The following ZNF490 variants were observed in gnomAD, a reference collection of about 807,000 sequenced individuals.
ZNF490 encodes zinc finger protein 490.
In ZNF490, 11 loss-of-function variants were observed where a neutral mutation model predicts 17.7. That is an observed-to-expected ratio of 0.62 (90% CI 0.39 to 1.03). The LOEUF (loss-of-function observed/expected upper bound fraction) is 1.03, where lower values mean the gene tolerates loss of function less well. Among genes scored for constraint, ZNF490 ranks in the 50% least tolerant of loss-of-function variants. ZNF490 has a pLI of 0.00. For missense variants in ZNF490, 542 were observed against 643.4 expected, an observed-to-expected ratio of 0.84 and a Z score of 1.71; for synonymous variants, 222 against 216.1, an observed-to-expected ratio of 1.03 and a Z score of -0.24.
In ZNF490 at chr19:12,583,446, C is replaced by A. The variant is rs373138394; in HGVS notation, c.273G>T (p.Lys91Asn). The change falls in exon 3 of 5, where the codon AAG becomes AAT. Residue 91 changes from lysine to asparagine, a missense_variant. Lys to Asn is a moderately conservative substitution (Grantham distance 94). Transcript: ENST00000311437. Reference protein sequence around the residue: ...IYRDVMRATFKNLACIGEKWK... With the variant: ...IYRDVMRATFNNLACIGEKWK... ...CACCCTTACCTATACAGGCCAGGTT[C>A]TTGAAGGTTGCCCGCATCACATCTC... 257 of 1,604,018 alleles carry A rather than the reference C, an allele frequency of 1.6e-4. 1 individual carries two copies. Among genetic ancestry groups the A allele is most frequent in the Non-Finnish European group, 1.5e-4 (172 of 1,173,702 alleles).
rs548413779 is a variant in ZNF490 at position 12,605,867 on chromosome 19, C to T, written c.162+3291G>A. Among the ~76,000 whole-genome samples the T allele has an allele frequency of 1.4e-4, 21 of 151,886 alleles. No homozygotes were observed. In the East Asian group the frequency reaches 3.9e-3, roughly 28 times the overall value. The stretch of plus-strand genomic sequence containing the variant: ...TTAAGAAAAGTGTATTTGAGACCCT[C>T]GAATAGGATTTTTTTTTAATTTAAT... On this transcript the variant is annotated intron_variant, in intron 2 of 4. Transcript: ENST00000311437.
chr19:12,581,171 C>T lies in ZNF490; in HGVS notation c.904G>A (p.Gly302Arg). 6.2e-7 allele frequency: 1 copy of T among 1,610,560 alleles called. No individual in the cohort carries two copies. The highest frequency in any genetic ancestry group is 8.5e-7 in the Non-Finnish European group (1 of 1,176,958). ...PFLTHERTHT[G>R]EKPYECKQCG... ...TGCTTACATTCATAAGGTTTCTCTC[C>T]AGTGTGAGTCCTTTCGTGGGTTAGA... The change falls in exon 5 of 5, where the codon GGA becomes AGA. Residue 302 changes from glycine to arginine, a missense_variant. Physicochemically the swap from Gly to Arg is moderately radical, Grantham distance 125. Coordinates refer to ENST00000311437, the MANE Select transcript of ZNF490 (RefSeq NM_020714.3).
chr19:12,609,220 G>A lies in ZNF490; in HGVS notation c.118-18C>T. On this transcript the variant is annotated intron_variant, in intron 1 of 4. Transcript: ENST00000311437. The stretch of plus-strand genomic sequence containing the variant: ...TTCTGCATCTAATTAGAAACAAGAG[G>A]ATGCATTTTGTGAGTTTCAGCAATT... 1 of 1,613,456 alleles carries A rather than the reference G, an allele frequency of 6.2e-7. No individual in the cohort carries two copies. The highest frequency in any genetic ancestry group is 1.3e-5 in the African/African-American group (1 of 75,004).
chr19:12,583,589 G>C, intron 2 of ZNF490, 33 bp from the exon 3 acceptor site: 1 of 1,542,492 alleles, frequency 6.5e-7, no homozygotes, highest in Non-Finnish European at 8.8e-7. Context: ...TTAGGAGGAG[G>C]AGAGAGATTC....
In ZNF490 at chr19:12,580,740, G is replaced by C. The variant is rs2022719088; in HGVS notation, c.1335C>G (p.Pro445=). 1 of 1,614,192 alleles carries C rather than the reference G, an allele frequency of 6.2e-7. No individual in the cohort carries two copies. Among genetic ancestry groups the C allele is most frequent in the Non-Finnish European group, 8.5e-7 (1 of 1,180,034 alleles). ...CCCGACCACACTGTTTGCATTCATA[G>C]GGTTTCTCTCTAGTATGGGTTCTTT... ...IHERTHTREK[P]YECKQCGRVF... Residue 445 remains proline, a synonymous_variant, in exon 5 of 5, where the codon CCC becomes CCG. Transcript: ENST00000311437.
chr19:12,601,600 G>C (rs1480492600), intron 2 of ZNF490, among the ~76,000 whole-genome samples: 2 of 152,018 alleles, frequency 1.3e-5, no homozygotes, highest in Admixed American at 6.6e-5. Flanking sequence ...GCCCAGGCTG[G>C]TCTTGAACTC....
At chr19:12,602,027 A>G (rs1220820105) in intron 2 of ZNF490, among the ~76,000 whole-genome samples, 1 of 151,164 alleles carries the variant, frequency 6.6e-6, no homozygotes, top group African/African-American at 2.4e-5. Context: ...AAAAAAGAAA[A>G]TAATATTATT....
Position 12,580,350 on chromosome 19 carries a change from C to T in ZNF490, c.*135G>A, listed in dbSNP as rs1034441707. On this transcript the variant is annotated 3_prime_UTR_variant, in exon 5 of 5. Coordinates refer to ENST00000311437, the MANE Select transcript of ZNF490 (RefSeq NM_020714.3). The stretch of plus-strand genomic sequence containing the variant: ...AAATATTTCATTGCCGCATGAGTCA[C>T]GTCTTCAAAGGGAATTAGGACAACT... 47 of 1,461,940 alleles carry T rather than the reference C, an allele frequency of 3.2e-5. No homozygotes were observed. Among genetic ancestry groups the T allele is most frequent in the Non-Finnish European group, 1.7e-5 (19 of 1,112,622 alleles). 90.6% of individuals were successfully genotyped at this position (1,461,940 alleles called of 1,614,324 possible). A position where few individuals can be genotyped will look rare whatever the true frequency, so the allele number is the denominator to read the frequency against.
rs963904094 is a variant in ZNF490 at position 12,578,233 on chromosome 19, T to G, written c.*2252A>C. 7.1e-6 allele frequency: 7 copies of G among 985,440 alleles called. No individual in the cohort carries two copies. In the African/African-American group the frequency reaches 8.7e-5, roughly 12 times the overall value. 61.0% of individuals were successfully genotyped at this position (985,440 alleles called of 1,614,324 possible). On this transcript the variant is annotated 3_prime_UTR_variant, in exon 5 of 5. Transcript: ENST00000311437. ...CCGCTGAATATCTCAGGGTAGAATG[T>G]GCCAGAAAACAGGGAAAGCAAGTTA...
At position 12,578,808 on chromosome 19, in the gene ZNF490, A is replaced by T; in HGVS notation, c.*1677T>A. 9 of 985,452 alleles carry T rather than the reference A, an allele frequency of 9.1e-6. No individual in the cohort carries two copies. The highest frequency in any genetic ancestry group is 1.1e-5 in the Non-Finnish European group (9 of 829,960). 61.0% of individuals were successfully genotyped at this position (985,452 alleles called of 1,614,324 possible). ...TCCTAACTTCTGACTGGATGCCACA[A>T]AAGGCCTGCTGGGGCCCAAGTCCTT... On this transcript the variant is annotated 3_prime_UTR_variant, in exon 5 of 5. Transcript: ENST00000311437.
chr19:12,581,625 A>G lies in ZNF490; in HGVS notation c.450T>C (p.Pro150=). Residue 150 remains proline, a synonymous_variant, in exon 5 of 5, where the codon CCT becomes CCC. Transcript: ENST00000311437. ...IPDLNTNLET[P]TGLKPCDCSV... is the part of the protein sequence containing the mutation. Reference sequence around the variant, plus strand: ...TGCAGTCACATGGTTTTAATCCAGTAGGAGTTTCCAGGTTCGTATTAAGAT... The same window carrying G: ...TGCAGTCACATGGTTTTAATCCAGTGGGAGTTTCCAGGTTCGTATTAAGAT... 6.2e-7 allele frequency: 1 copy of G among 1,614,182 alleles called. No homozygotes were observed. Among genetic ancestry groups the G allele is most frequent in the Non-Finnish European group, 8.5e-7 (1 of 1,180,028 alleles).
chr19:12,609,272 C>T lies in ZNF490; in HGVS notation c.118-70G>A, dbSNP rs1011638718. The T allele has an allele frequency of 1.3e-5, 18 of 1,394,508 alleles. No homozygotes were observed. In the Middle Eastern group the frequency reaches 6.6e-4, roughly 51 times the overall value. The allele number at this position is 1,394,508 out of a possible 1,614,324, so 86.4% of individuals were successfully genotyped here. Reference sequence around the variant, plus strand: ...AGAACTAAACATGACCTTTGACAGCCTTGGAAGCATTGTTCCCCCTGCATC... The same window carrying T: ...AGAACTAAACATGACCTTTGACAGCTTTGGAAGCATTGTTCCCCCTGCATC... On this transcript the variant is annotated intron_variant, in intron 1 of 4. Coordinates refer to ENST00000311437, the MANE Select transcript of ZNF490 (RefSeq NM_020714.3).
intron 2 of ZNF490, among the ~76,000 whole-genome samples, chr19:12,607,672 C>T (rs1226933695): frequency 6.6e-6 from 1 of 150,534 alleles, no homozygotes; most frequent in Non-Finnish European, 1.5e-5. Flanking sequence ...GAGGTTGAGG[C>T]AGGAGAATTG....
At chr19:12,602,718 A>G (rs1044349513) in intron 2 of ZNF490, among the ~76,000 whole-genome samples, 4 of 150,262 alleles carry the variant, frequency 2.7e-5, no homozygotes, top group African/African-American at 7.4e-5. Context: ...TTGACCTCCC[A>G]GGCTCAGATG....
At chr19:12,582,735 C>G in intron 4 of ZNF490, 115 bp downstream of exon 4, 1 of 978,306 alleles carries the variant, frequency 1.0e-6, no homozygotes, top group East Asian at 2.4e-5. Context: ...TAAAAATTTT[C>G]TAAGAATGAA....
At chr19:12,582,168 T>C (rs571657431) in intron 4 of ZNF490, among the ~76,000 whole-genome samples, 1 of 152,286 alleles carries the variant, frequency 6.6e-6, no homozygotes, top group East Asian at 1.9e-4. Context: ...CCCAAAGTGC[T>C]GGGATTACAG....
chr19:12,589,918 T>G lies in ZNF490; in HGVS notation c.163-6362A>C, dbSNP rs571848937. Reference sequence around the variant, plus strand: ...TGTATGTATGTATGTATGTATTTATTTATTTATTTATTTAGTGAGAGAGTC... The same window carrying G: ...TGTATGTATGTATGTATGTATTTATGTATTTATTTATTTAGTGAGAGAGTC... On this transcript the variant is annotated intron_variant, in intron 2 of 4. Coordinates refer to ENST00000311437, the MANE Select transcript of ZNF490 (RefSeq NM_020714.3). Among the ~76,000 whole-genome samples, 889 of 148,416 alleles carry G rather than the reference T, an allele frequency of 6.0e-3. 11 individuals carry two copies. The highest frequency in any genetic ancestry group is 0.022 in the African/African-American group (867 of 39,962).
intron 2 of ZNF490, among the ~76,000 whole-genome samples, chr19:12,592,656 T>C (rs894744796): frequency 3.9e-5 from 6 of 152,288 alleles, no homozygotes; most frequent in Admixed American, 1.3e-4. Flanking sequence ...GCAGTTATTA[T>C]ACATTTGCCA....
chr19:12,607,193 A>AT lies in ZNF490; in HGVS notation c.162+1964dup, dbSNP rs760914971. Among the ~76,000 whole-genome samples, 791 of 143,806 alleles carry AT rather than the reference A, an allele frequency of 5.5e-3. 8 individuals are homozygous for AT. The highest frequency in any genetic ancestry group is 7.3e-3 in the Middle Eastern group (2 of 274). The allele number at this position is 143,806 out of a possible 152,430, so 94.3% of individuals were successfully genotyped here. On this transcript the variant is annotated intron_variant, in intron 2 of 4. Coordinates refer to ENST00000311437, the MANE Select transcript of ZNF490 (RefSeq NM_020714.3). Reference sequence around the variant, plus strand: ...TGTCTCTAAAATTTAAAAAATTTAAATTTTTTTTTTTTTTTGAGGTGGAGT... The same window carrying AT: ...TGTCTCTAAAATTTAAAAAATTTAAATTTTTTTTTTTTTTTTGAGGTGGAGT...
Sources: gnomAD v4.1 joint callset for allele counts (sites outside exome capture counted in the v4.1 genomes callset) on GRCh38, gnomAD v4.1.1 for gene constraint, MANE v1.5 for transcripts, NCBI Gene and HGNC (gene_info 2026-07-23, HGNC 2026-07-21) for gene names.